POT1: variants seen among roughly 807,000 people sequenced by gnomAD.
The protein encoded by POT1 is protection of telomeres protein 1.
In POT1, 47 loss-of-function variants were observed where a neutral mutation model predicts 78.5. The ratio of observed to expected loss-of-function variants is 0.60; its 90% CI spans 0.47 to 0.76. The LOEUF (loss-of-function observed/expected upper bound fraction) is 0.76. Ranked by LOEUF, POT1 falls within the 30% of genes least tolerant of loss-of-function variation. POT1 has a pLI of 0.00. For missense variants in POT1, 646 were observed against 749.9 expected (o/e 0.86, Z 1.62); for synonymous variants, 259 against 260.7 (o/e 0.99, Z 0.06).
At chr7:124,923,910 CAAAA>C (rs1450959885) in intron 2 of POT1, among the ~76,000 whole-genome samples, 1 of 150,482 alleles carries the variant, frequency 6.6e-6, no homozygotes, top group Admixed American at 6.6e-5. Context: ...AACAAACAAA[CAAAA>C]AAACTGTAAG....
chr7:124,864,454 CTTATT>C (rs926898823), intron 7 of POT1, among the ~76,000 whole-genome samples: 5 of 152,008 alleles, frequency 3.3e-5, no homozygotes, highest in African/African-American at 1.2e-4. Context: ...AGTCTACTAT[CTTATT>C]TGTTTTCCTT....
At chr7:124,876,388 T>C (rs939256701) in intron 6 of POT1, among the ~76,000 whole-genome samples, 1 of 152,202 alleles carries the variant, frequency 6.6e-6, no homozygotes, top group African/African-American at 2.4e-5. Flanking sequence ...TTTCCTATTA[T>C]GCTTAGGTGT....
At position 124,851,757 on chromosome 7, in the gene POT1, T is replaced by C. The variant is rs578013884; in HGVS notation, c.949+115A>G. 1.5e-4 allele frequency: 120 copies of C among 780,788 alleles called. 2 individuals carry two copies. The South Asian group carries it at 1.9e-3, about 12-fold the overall frequency. 48.4% of individuals were successfully genotyped at this position (780,788 alleles called of 1,614,324 possible). On this transcript the variant is annotated intron_variant, in intron 11 of 18. Coordinates refer to ENST00000357628, the MANE Select transcript of POT1 (RefSeq NM_015450.3). Reference sequence around the variant, plus strand: ...AGATAAAGATTTTAGTATGTTCCTCTACTACATGAAATTATTAATAAGAGA... The same window carrying C: ...AGATAAAGATTTTAGTATGTTCCTCCACTACATGAAATTATTAATAAGAGA...
intron 13 of POT1, 141 bp from the exon 14 acceptor site, chr7:124,841,319 GGA>G: frequency 1.6e-6 from 1 of 625,100 alleles, no homozygotes; most frequent in Non-Finnish European, 2.7e-6. Flanking sequence ...TGTAAATTAT[GGA>G]GATAATTCAC....
chr7:124,827,218 T>C lies in POT1; in HGVS notation c.1682A>G (p.Asp561Gly), dbSNP rs748490503. 1.3e-6 allele frequency: 2 copies of C among 1,503,374 alleles called. No homozygotes were observed. The highest frequency in any genetic ancestry group is 9.1e-7 in the Non-Finnish European group (1 of 1,100,534). 93.1% of individuals were successfully genotyped at this position (1,503,374 alleles called of 1,614,324 possible). A position where few individuals can be genotyped will look rare whatever the true frequency, so the allele number is the denominator to read the frequency against. Residue 561 changes from aspartate (D) to glycine (G), a missense_variant, in exon 17 of 19, where the codon GAT becomes GGT. By Grantham distance (94) the Asp-to-Gly change is moderately conservative. This residue lies in a region of POT1 where 394 missense variants were observed against 408.4 expected (regional missense o/e 0.96). Transcript: ENST00000357628. ...GTGVLEAYLM[D>G]SDKFFQIPAS... ...TTTATTACCTCTGATACTTACAGAA[T>C]CCATGAGATAGGCTTCTAGTACTCC...
rs914175928 is a variant in POT1, at chr7:124,840,168, A to G, written c.1369+805T>C. On this transcript the variant is annotated intron_variant, in intron 14 of 18. Coordinates refer to ENST00000357628, the MANE Select transcript of POT1 (RefSeq NM_015450.3). ...AACCTATACTGACACATAATCACCC[A>G]AAGTCTATAATTTACATAGAATTCC... 5.3e-5 allele frequency among the ~76,000 whole-genome samples: 8 copies of G among 152,180 alleles called. No individual in the cohort carries two copies. The South Asian group carries it at 6.2e-4, about 12-fold the overall frequency.
At chr7:124,924,140 T>C (rs1393006854) in intron 2 of POT1, among the ~76,000 whole-genome samples, 1 of 63,246 alleles carries the variant, frequency 1.6e-5, no homozygotes, top group African/African-American at 6.4e-5. Flanking sequence ...AGAGCAGAAC[T>C]AAATGAACAA....
At chr7:124,900,395 A>C (rs2116652041) in intron 3 of POT1, among the ~76,000 whole-genome samples, 1 of 152,264 alleles carries the variant, frequency 6.6e-6, no homozygotes, top group South Asian at 2.1e-4. Flanking sequence ...CTCAGAAACA[A>C]GTAATTCTAC....
intron 3 of POT1, among the ~76,000 whole-genome samples, chr7:124,913,251 A>G (rs1796934445): frequency 6.6e-6 from 1 of 152,194 alleles, no homozygotes. Context: ...AAACCATATC[A>G]ACAACCATCA....
chr7:124,898,719 G>C (rs1026847497), intron 3 of POT1, among the ~76,000 whole-genome samples: 3 of 152,132 alleles, frequency 2.0e-5, no homozygotes, highest in Admixed American at 2.0e-4. Flanking sequence ...AAATCTCAAA[G>C]TTGAGAAACT....
intron 6 of POT1, among the ~76,000 whole-genome samples, chr7:124,881,193 T>A (rs536897279): frequency 1.3e-5 from 2 of 152,048 alleles, no homozygotes; most frequent in East Asian, 1.9e-4. Context: ...ATATATATAT[T>A]TTCATATGAA....
In POT1 at chr7:124,870,977, A is replaced by T; in HGVS notation, c.189T>A (p.Ser63Arg). Residue 63 changes from serine (S) to arginine (R), a missense_variant, in exon 7 of 19, where the codon AGT (serine) becomes AGA (arginine). By Grantham distance (110) the Ser-to-Arg change is moderately radical. Transcript: ENST00000357628. Reference protein sequence around the residue: ...TNVKLTCLLFSGNYEALPIIY... With the variant: ...TNVKLTCLLFRGNYEALPIIY... ...TTATTGGAAGGGCTTCATAGTTTCC[A>T]CTAAAGAGCAGGCAAGTTAGTTTTA... 6.2e-7 allele frequency: 1 copy of T among 1,610,928 alleles called. No homozygotes were observed. Among genetic ancestry groups the T allele is most frequent in the Non-Finnish European group, 8.5e-7 (1 of 1,178,002 alleles).
intron 7 of POT1, among the ~76,000 whole-genome samples, chr7:124,866,452 C>T (rs1795727620): frequency 6.6e-6 from 1 of 151,666 alleles, no homozygotes; most frequent in South Asian, 2.1e-4. Context: ...CACAGTTCAA[C>T]CACACAGCAG....
chr7:124,838,598 G>C (rs1423911942), intron 14 of POT1, among the ~76,000 whole-genome samples: 1 of 151,840 alleles, frequency 6.6e-6, no homozygotes, highest in Non-Finnish European at 1.5e-5. Flanking sequence ...GTGACTTATA[G>C]ATTATGGCAA....
rs767757297 is a variant in POT1 at position 124,842,949 on chromosome 7, G to T, written c.1021C>A (p.Gln341Lys). 6.3e-7 allele frequency: 1 copy of T among 1,581,644 alleles called. No individual in the cohort carries two copies. The highest frequency in any genetic ancestry group is 8.6e-7 in the Non-Finnish European group (1 of 1,169,022). ...QLSATILTDH[Q>K]YLERTPLCAI... is the part of the protein sequence containing the mutation. ...CATAGTGGTGTCCTCTCCAAATACT[G>T]ATGATCTGTAAGTACTGTAAAGAAT... Residue 341 changes from glutamine to lysine, a missense_variant, in exon 13 of 19, where the codon CAG becomes AAG. Around this residue, in one of 2 missense-constraint regions of POT1, gnomAD observed 394 missense variants for 408.4 expected, o/e 0.96. Coordinates refer to ENST00000357628, the MANE Select transcript of POT1 (RefSeq NM_015450.3).
chr7:124,827,299 C>T lies in POT1; in HGVS notation c.1601G>A (p.Gly534Asp), dbSNP rs1413291646. 1 of 1,569,292 alleles carries T rather than the reference C, an allele frequency of 6.4e-7. No individual in the cohort carries two copies. The highest frequency in any genetic ancestry group is 8.7e-7 in the Non-Finnish European group (1 of 1,147,446). Residue 534 changes from glycine (G) to aspartate (D), a missense_variant, in exon 17 of 19, where the codon GGT becomes GAT. By Grantham distance (94) the Gly-to-Asp change is moderately conservative. This residue lies in a region of POT1 where 394 missense variants were observed against 408.4 expected (regional missense o/e 0.96). Coordinates refer to ENST00000357628, the MANE Select transcript of POT1 (RefSeq NM_015450.3). ...AAACACATATTGGAGGGGTACAATA[C>T]CCAGTGCTAGTGAAGGAAAAAAAGA... is the stretch of plus-strand genomic sequence containing the variant. ...WIPSSVAEAL[G>D]IVPLQYVFVM...
At position 124,853,064 on chromosome 7, in the gene POT1, T is replaced by C; in HGVS notation, c.777A>G (p.Leu259=). The C allele has an allele frequency of 2.5e-6, 4 of 1,610,764 alleles. No homozygotes were observed. The highest frequency in any genetic ancestry group is 3.3e-5 in the Admixed American group (2 of 59,988). The part of the protein sequence containing the change: ...QSMNSENQTM[L]SLEFHLHGGT... ...CTCCATGAAGATGAAACTCTAAACTTAACATTGTCTGATTCTCTGAATTCA... is the reference window on the plus strand; with the variant it reads ...CTCCATGAAGATGAAACTCTAAACTCAACATTGTCTGATTCTCTGAATTCA... Residue 259 remains leucine (L), a synonymous_variant, in exon 10 of 19, where the codon TTA becomes TTG. Coordinates refer to ENST00000357628, the MANE Select transcript of POT1 (RefSeq NM_015450.3).
chr7:124,893,886 C>T (rs1470544400), intron 5 of POT1, among the ~76,000 whole-genome samples: 1 of 151,494 alleles, frequency 6.6e-6, no homozygotes, highest in Non-Finnish European at 1.5e-5. Context: ...TGACTTTCAG[C>T]TTTTCTTTTC....
intron 14 of POT1, among the ~76,000 whole-genome samples, chr7:124,838,810 G>C (rs746832712): frequency 1.2e-4 from 18 of 152,030 alleles, no homozygotes; most frequent in Non-Finnish European, 2.2e-4. Context: ...TCTTCATGTT[G>C]GTCAGGCTGG....
Sources: allele counts gnomAD v4.1 joint callset (sites outside exome capture counted in the v4.1 genomes callset), GRCh38; gene constraint gnomAD v4.1.1; regional missense constraint gnomAD v4.1.1; transcripts MANE v1.5; gene names NCBI Gene and HGNC (gene_info 2026-07-23, HGNC 2026-07-21).